Variants in NHSL1 observed in about 807,000 individuals in gnomAD.
The protein encoded by NHSL1 is NHS like 1, also known as NHS-like protein 1.
NHSL1 carries 48 observed loss-of-function variants against 95.0 expected under a neutral mutation model. The ratio of observed to expected loss-of-function variants is 0.51; its 90% CI spans 0.40 to 0.64. The LOEUF is 0.64. Among genes scored for constraint, NHSL1 ranks in the 30% least tolerant of loss-of-function variants. NHSL1 has a pLI of 0.00. For synonymous variants in NHSL1, 783 were observed against 833.9 expected (o/e 0.94, Z 1.05); for missense variants, 1,971 against 2,077.7 (o/e 0.95, Z 1.00).
intron 1 of NHSL1, among the ~76,000 whole-genome samples, chr6:138,587,674 G>A (rs1311146527): frequency 6.6e-6 from 1 of 152,122 alleles, no homozygotes; most frequent in Non-Finnish European, 1.5e-5. Flanking sequence ...CAAAGAAAAT[G>A]AAGAAGCCTG....
Position 138,464,324 on chromosome 6 carries a change from C to G in NHSL1, c.339+8982G>C, listed in dbSNP as rs1047998213. 1.3e-5 allele frequency: 8 copies of G among 611,144 alleles called. No homozygotes were observed. The African/African-American group carries it at 1.5e-4, about 11-fold the overall frequency. 37.9% of individuals were successfully genotyped at this position (611,144 alleles called of 1,614,324 possible). Reference sequence around the variant, plus strand: ...GGACTGGGCCCTCAGCGCCACACTCCTGGAGCTCCACGGCCTGGAGGCCAT... The same window carrying G: ...GGACTGGGCCCTCAGCGCCACACTCGTGGAGCTCCACGGCCTGGAGGCCAT... On this transcript the variant is annotated intron_variant, in intron 3 of 7. Transcript: ENST00000343505.
chr6:138,616,925 A>G (rs978025840), intron 1 of NHSL1, among the ~76,000 whole-genome samples: 3 of 152,208 alleles, frequency 2.0e-5, no homozygotes, highest in Non-Finnish European at 4.4e-5. Flanking sequence ...AGCTTAAAGG[A>G]AGTGCTCCCA....
rs193036855 is a variant in NHSL1, at chr6:138,600,621, A to C, written c.96+91855T>G. Among the ~76,000 whole-genome samples, 55 of 152,370 alleles carry C rather than the reference A, an allele frequency of 3.6e-4. No individual in the cohort carries two copies. In the East Asian group the frequency reaches 0.011, roughly 29 times the overall value. ...GGGTTTAAGCCATTTGTTTTTCATG[A>C]AATTACTATCAATTTAAATGAAAAA... On this transcript the variant is annotated intron_variant, in intron 1 of 3. Transcript: ENST00000491526.
intron 1 of NHSL1, among the ~76,000 whole-genome samples, chr6:138,602,922 G>A (rs1433731728): frequency 1.3e-5 from 2 of 152,054 alleles, no homozygotes; most frequent in Non-Finnish European, 2.9e-5. Context: ...ATTCCTTCCC[G>A]GACAGTTCAT....
At chr6:138,488,148 C>T (rs983067137) in intron 2 of NHSL1, among the ~76,000 whole-genome samples, 1 of 151,998 alleles carries the variant, frequency 6.6e-6, no homozygotes, top group Non-Finnish European at 1.5e-5. Flanking sequence ...CATGGTGGTG[C>T]ACACCTGTAG....
rs151107805 is a variant in NHSL1, at chr6:138,520,808, A to G, written c.17-24437T>C. On this transcript the variant is annotated intron_variant, in intron 1 of 4. Coordinates refer to the NHSL1 transcript ENST00000342260. ...TGTGTGGAGAACAGATTGTGCATGG[A>G]CAAGTAAAAGTAGGAAGCTACTGTG... Among the ~76,000 whole-genome samples, 953 of 152,316 alleles carry G rather than the reference A, an allele frequency of 6.3e-3. 23 individuals are homozygous for G. Among genetic ancestry groups the G allele is most frequent in the Admixed American group, 0.048 (739 of 15,310 alleles).
Position 138,431,226 on chromosome 6 carries a change from T to A in NHSL1, c.3119A>T (p.Asn1040Ile). The A allele has an allele frequency of 6.6e-7, 1 of 1,526,004 alleles. No homozygotes were observed. Among genetic ancestry groups the A allele is most frequent in the East Asian group, 2.5e-5 (1 of 40,548 alleles). The allele number at this position is 1,526,004 out of a possible 1,614,324, so 94.5% of individuals were successfully genotyped here. The change falls in exon 6 of 8, where the codon AAT becomes ATT. Residue 1040 changes from asparagine to isoleucine, a missense_variant. Physicochemically the swap from Asn to Ile is moderately radical, Grantham distance 149 (BLOSUM62 -3). Transcript: ENST00000343505. This position sits in a 1 kb window ranked among gnomAD's most constrained non-coding sequence, Gnocchi z 4.0. Reference sequence around the variant, plus strand: ...CCGGGAGGATTCTGGCTGGCCAGAATTTGTGAAAGGCGGCCTGGTGTCTTT... The same window carrying A: ...CCGGGAGGATTCTGGCTGGCCAGAAATTGTGAAAGGCGGCCTGGTGTCTTT... ...FMKDTRPPFT[N>I]SGQPESSRGS...
Position 138,423,601 on chromosome 6 carries a change from G to A in NHSL1, c.*480C>T, listed in dbSNP as rs1326295761. ...CCAGCAACTCTACTGCCTCTTTCTT[G>A]AAGTAACATCTTCTCCTTTCTTACA... is the stretch of plus-strand genomic sequence containing the variant. On this transcript the variant is annotated 3_prime_UTR_variant, in exon 8 of 8. Coordinates refer to ENST00000343505, the MANE Select transcript of NHSL1 (RefSeq NM_001144060.2). 1 of 152,424 alleles carries A rather than the reference G, an allele frequency of 6.6e-6. No individual in the cohort carries two copies. The highest frequency in any genetic ancestry group is 1.5e-5 in the Non-Finnish European group (1 of 68,266). 9.4% of individuals were successfully genotyped at this position (152,424 alleles called of 1,614,324 possible).
chr6:138,510,016 T>C (rs1209979409), intron 1 of NHSL1, among the ~76,000 whole-genome samples: 1 of 152,216 alleles, frequency 6.6e-6, no homozygotes, highest in African/African-American at 2.4e-5. Context: ...TGTCCAAGAA[T>C]ACAAAATACA....
intron 2 of NHSL1, among the ~76,000 whole-genome samples, chr6:138,495,364 C>A (rs375000701): frequency 6.6e-6 from 1 of 152,176 alleles, no homozygotes; most frequent in Admixed American, 6.6e-5. Context: ...GCTGGCAGAA[C>A]CTAGGCTCAG....
chr6:138,443,351 C>G (rs1160376245), intron 4 of NHSL1, among the ~76,000 whole-genome samples: 2 of 152,130 alleles, frequency 1.3e-5, no homozygotes, highest in African/African-American at 4.8e-5. Context: ...ACAGAAATGA[C>G]TGAGAGAAGA....
intron 1 of NHSL1, among the ~76,000 whole-genome samples, chr6:138,563,558 A>G (rs955543162): frequency 6.6e-6 from 1 of 152,260 alleles, no homozygotes; most frequent in Admixed American, 6.5e-5. Context: ...AATGGCCAGT[A>G]TCATTAAATA....
chr6:138,470,190 T>C (rs1778661175), intron 3 of NHSL1, among the ~76,000 whole-genome samples: 1 of 152,194 alleles, frequency 6.6e-6, no homozygotes, highest in Non-Finnish European at 1.5e-5. Flanking sequence ...TGGTTCTACT[T>C]ATTTAAGAAA....
chr6:138,431,698 G>T lies in NHSL1; in HGVS notation c.2647C>A (p.Pro883Thr). Residue 883 changes from proline to threonine, a missense_variant, in exon 6 of 8, where the codon CCC becomes ACC. Coordinates refer to ENST00000343505, the MANE Select transcript of NHSL1 (RefSeq NM_001144060.2). The surrounding 1 kb of genome is among the most constrained non-coding windows in gnomAD (Gnocchi z 4.0). ...SPANGKGKPK[P>T]KVPERKSSLI... is the part of the protein sequence containing the mutation. ...GAGGACTTCCTTTCTGGTACCTTGG[G>T]CTTGGGCTTCCCCTTCCCGTTTGCT... 6.4e-7 allele frequency: 1 copy of T among 1,551,744 alleles called. No individual in the cohort carries two copies. Among genetic ancestry groups the T allele is most frequent in the Non-Finnish European group, 8.7e-7 (1 of 1,146,992 alleles).
At chr6:138,581,897 C>CTTTTT (rs370719757) in intron 1 of NHSL1, among the ~76,000 whole-genome samples, 2 of 124,320 alleles carry the variant, frequency 1.6e-5, no homozygotes, top group East Asian at 4.7e-4. Context: ...CTTTTTCTTT[C>CTTTTT]TTTTTTTTTT....
chr6:138,535,097 C>T (rs1681397080), intron 1 of NHSL1, among the ~76,000 whole-genome samples: 1 of 152,156 alleles, frequency 6.6e-6, no homozygotes, highest in Admixed American at 6.6e-5. Flanking sequence ...AAAAGATCTA[C>T]TCTGGCTACT....
At chr6:138,664,003 A>G (rs1785263564) in intron 1 of NHSL1, among the ~76,000 whole-genome samples, 1 of 152,256 alleles carries the variant, frequency 6.6e-6, no homozygotes, top group Non-Finnish European at 1.5e-5. Context: ...GAAATATTTT[A>G]AAGTCTGGCT....
At chr6:138,648,965 A>G (rs1408986518) in intron 1 of NHSL1, among the ~76,000 whole-genome samples, 3 of 152,182 alleles carry the variant, frequency 2.0e-5, no homozygotes, top group Non-Finnish European at 4.4e-5. Context: ...TCCTTCATAT[A>G]CCTTTTTAAT....
intron 3 of NHSL1, among the ~76,000 whole-genome samples, chr6:138,449,788 T>C (rs1000040771): frequency 2.0e-5 from 3 of 151,992 alleles, no homozygotes; most frequent in African/African-American, 7.2e-5. Flanking sequence ...ACAAGGAGAC[T>C]AACAATAATA....
Sources: allele counts gnomAD v4.1 joint callset (sites outside exome capture counted in the v4.1 genomes callset), GRCh38; gene constraint gnomAD v4.1.1; non-coding constraint Gnocchi (gnomAD v3.1); transcripts MANE v1.5; gene names NCBI Gene and HGNC (gene_info 2026-07-23, HGNC 2026-07-21).